The following DMXL2 variants were observed in gnomAD, a reference collection of about 807,000 sequenced individuals.
The protein encoded by DMXL2 is dmX-like protein 2.
A neutral mutation model predicts 331.1 loss-of-function variants in DMXL2; 103 were observed. That is an observed-to-expected ratio of 0.31 (90% CI 0.27 to 0.37). The LOEUF is 0.37. DMXL2 is among the 10% of genes least tolerant of loss of function. The probability of loss-of-function intolerance (pLI) is 1.00; values close to 1 mark genes in which losing one functional copy is unlikely to be tolerated. For synonymous variants in DMXL2, 1,281 were observed against 1,252.1 expected, an observed-to-expected ratio of 1.02 and a Z score of -0.49; for missense variants, 3,171 against 3,642.9, an observed-to-expected ratio of 0.87 and a Z score of 3.33.
intron 19 of DMXL2, among the ~76,000 whole-genome samples, chr15:51,494,768 T>G (rs2043054468): frequency 6.6e-6 from 1 of 152,202 alleles, no homozygotes; most frequent in Non-Finnish European, 1.5e-5. Context: ...ACCTCAGGCA[T>G]ACCACATTTA....
Position 51,498,896 on chromosome 15 carries a change from T to C in DMXL2, c.4328A>G (p.Tyr1443Cys), listed in dbSNP as rs747627943. The C allele has an allele frequency of 2.5e-6, 4 of 1,614,040 alleles. No homozygotes were observed. Among genetic ancestry groups the C allele is most frequent in the Non-Finnish European group, 2.5e-6 (3 of 1,180,014 alleles). ...ALLAADQDTS[Y>C]RISEESTKIP... ...CTTTGTACTTTCTTCTGAAATTCTG[T>C]AGGATGTATCTTGATCTGCAGCAAG... is the stretch of plus-strand genomic sequence containing the variant. The change falls in exon 18 of 44, where the codon TAC (tyrosine) becomes TGC (cysteine). Residue 1443 changes from tyrosine (Y) to cysteine (C), a missense_variant. Physicochemically the swap from Tyr to Cys is radical, Grantham distance 194. This residue lies in a region of DMXL2 where 1,674 missense variants were observed against 1,780.2 expected (regional missense o/e 0.94). Transcript: ENST00000560891.
intron 42 of DMXL2, among the ~76,000 whole-genome samples, chr15:51,450,941 G>A (rs1595864557): frequency 1.1e-5 from 1 of 91,472 alleles, no homozygotes; most frequent in Non-Finnish European, 2.3e-5. Flanking sequence ...TTAAAAGACT[G>A]AGAATCTTTC....
chr15:51,496,969 A>G (rs1187493111), intron 18 of DMXL2, among the ~76,000 whole-genome samples: 1 of 152,228 alleles, frequency 6.6e-6, no homozygotes, highest in Non-Finnish European at 1.5e-5. Context: ...TCCAGGATAC[A>G]CTATTTCTAT....
chr15:51,563,490 G>C lies in DMXL2; in HGVS notation c.501-43C>G, dbSNP rs756035182. On this transcript the variant is annotated intron_variant, in intron 5 of 43. Transcript: ENST00000560891. ...AGGCAATTAGCCCTTTTAAAATCTG[G>C]TGTACTGTATATAAAAATGGTCAAG... The C allele has an allele frequency of 7.1e-6, 10 of 1,400,070 alleles. No individual in the cohort carries two copies. The Middle Eastern group carries it at 1.1e-3, about 151-fold the overall frequency. 86.7% of individuals were successfully genotyped at this position (1,400,070 alleles called of 1,614,324 possible). A position where few individuals can be genotyped will look rare whatever the true frequency, so the allele number is the denominator to read the frequency against.
At chr15:51,451,417 A>C (rs2039127260) in intron 42 of DMXL2, among the ~76,000 whole-genome samples, 2 of 152,246 alleles carry the variant, frequency 1.3e-5, no homozygotes, top group Admixed American at 6.5e-5. Context: ...TCTGAATAGA[A>C]TATAAAGACT....
chr15:51,551,856 T>C (rs1313248758), intron 6 of DMXL2, among the ~76,000 whole-genome samples: 1 of 152,202 alleles, frequency 6.6e-6, no homozygotes, highest in Admixed American at 6.5e-5. Flanking sequence ...TAAATTATTG[T>C]TTTAATTACA....
intron 1 of DMXL2, among the ~76,000 whole-genome samples, chr15:51,621,066 G>A (rs1367074963): frequency 1.3e-5 from 2 of 150,336 alleles, no homozygotes; most frequent in African/African-American, 4.9e-5. Context: ...TGCACTACTG[G>A]GGAACAGGGA....
chr15:51,492,058 C>T (rs916171292), intron 19 of DMXL2, among the ~76,000 whole-genome samples: 4 of 152,180 alleles, frequency 2.6e-5, no homozygotes, highest in Non-Finnish European at 4.4e-5. Flanking sequence ...TTCACATGTA[C>T]GGTACACCAA....
At chr15:51,465,753 G>GA (rs1366408953) in intron 30 of DMXL2, 102 bp from the exon 31 acceptor site, 2 of 827,576 alleles carry the variant, frequency 2.4e-6, no homozygotes, top group East Asian at 2.8e-5. Flanking sequence ...CTCCAACCCA[G>GA]AAAAAAAGCT....
At chr15:51,528,323 G>A (rs1439805050) in intron 13 of DMXL2, among the ~76,000 whole-genome samples, 1 of 152,002 alleles carries the variant, frequency 6.6e-6, no homozygotes, top group African/African-American at 2.4e-5. Flanking sequence ...TCTGTGGCCT[G>A]CAAAAAACAC....
chr15:51,589,790 A>C (rs1392704134), intron 1 of DMXL2, among the ~76,000 whole-genome samples: 1 of 152,244 alleles, frequency 6.6e-6, no homozygotes, highest in African/African-American at 2.4e-5. Flanking sequence ...ATTCGATATT[A>C]TGAATTAAGA....
intron 15 of DMXL2, among the ~76,000 whole-genome samples, chr15:51,510,504 T>C (rs2046691040): frequency 6.6e-6 from 1 of 151,572 alleles, no homozygotes; most frequent in African/African-American, 2.4e-5. Flanking sequence ...AAGACCCTCT[T>C]CAAGGAGAAC....
At chr15:51,520,843 C>CA (rs1285031939) in intron 13 of DMXL2, among the ~76,000 whole-genome samples, 2 of 152,008 alleles carry the variant, frequency 1.3e-5, no homozygotes. Context: ...GATGACAGAG[C>CA]AAGATTCAGA....
At chr15:51,537,855 C>A in intron 10 of DMXL2, 96 bp from the exon 11 acceptor site, 2 of 1,330,354 alleles carry the variant, frequency 1.5e-6, no homozygotes, top group South Asian at 1.6e-5. Context: ...AAAACTAAAT[C>A]TCTTTTCCAA....
At position 51,488,003 on chromosome 15, in the gene DMXL2, T is replaced by A; in HGVS notation, c.5168A>T (p.Gln1723Leu). The A allele has an allele frequency of 6.2e-7, 1 of 1,612,934 alleles. No individual in the cohort carries two copies. The highest frequency in any genetic ancestry group is 8.5e-7 in the Non-Finnish European group (1 of 1,179,554). Reference sequence around the variant, plus strand: ...AGCTAGCAAGAAAAAAGCAGCCGATTGTTCAAAGCGTTGTTTTCCAAGTAA... The same window carrying A: ...AGCTAGCAAGAAAAAAGCAGCCGATAGTTCAAAGCGTTGTTTTCCAAGTAA... Reference protein sequence around the residue: ...FSLLGKQRFEQSAAFFLLAGS... With the variant: ...FSLLGKQRFELSAAFFLLAGS... Residue 1723 changes from glutamine to leucine, a missense_variant, in exon 22 of 44, where the codon CAA becomes CTA. Physicochemically the swap from Gln to Leu is moderately radical, Grantham distance 113. Transcript: ENST00000560891.
At chr15:51,497,601 C>T (rs530349962) in intron 18 of DMXL2, among the ~76,000 whole-genome samples, 13 of 152,320 alleles carry the variant, frequency 8.5e-5, no homozygotes, top group African/African-American at 2.9e-4. Context: ...CATTAATTTT[C>T]AGTTTCCTTT....
Position 51,506,674 on chromosome 15 carries a change from C to T in DMXL2, c.2764+460G>A, listed in dbSNP as rs557781390. ...TTCACCATGTTAGCCAGGATGGTCTCGATCTCCTGACCTCGTGATCCGCCC... is the reference window on the plus strand; with the variant it reads ...TTCACCATGTTAGCCAGGATGGTCTTGATCTCCTGACCTCGTGATCCGCCC... On this transcript the variant is annotated intron_variant, in intron 16 of 43. Transcript: ENST00000560891. Among the ~76,000 whole-genome samples, 58 of 151,874 alleles carry T rather than the reference C, an allele frequency of 3.8e-4. 2 individuals are homozygous for T. The highest frequency in any genetic ancestry group is 3.3e-3 in the Admixed American group (50 of 15,270).
At chr15:51,461,154 T>A (rs953794363) in intron 33 of DMXL2, among the ~76,000 whole-genome samples, 2 of 152,248 alleles carry the variant, frequency 1.3e-5, no homozygotes, top group Non-Finnish European at 2.9e-5. Flanking sequence ...AGCCAACTGA[T>A]GCTTATATAG....
chr15:51,502,756 T>C (rs1039988034), intron 17 of DMXL2, 50 bp downstream of exon 17: 3 of 1,233,926 alleles, frequency 2.4e-6, no homozygotes, highest in Non-Finnish European at 3.6e-6. Context: ...AAAGAGTTCA[T>C]ATATTTTATC....
Sources: gnomAD v4.1 joint callset for allele counts (sites outside exome capture counted in the v4.1 genomes callset) on GRCh38, gnomAD v4.1.1 for gene constraint, gnomAD v4.1.1 regional missense constraint, MANE v1.5 for transcripts, NCBI Gene and HGNC (gene_info 2026-07-23, HGNC 2026-07-21) for gene names.